The following VPS13C variants were observed in gnomAD, a reference collection of about 807,000 sequenced individuals.
The protein encoded by VPS13C is vacuolar protein sorting 13 homolog C.
Under a neutral mutation model 456.8 loss-of-function variants are expected in VPS13C, and 358 were observed. The observed-to-expected ratio is 0.78, with a 90% CI of 0.72 to 0.86. The LOEUF (loss-of-function observed/expected upper bound fraction) is 0.86, where lower values mean the gene tolerates loss of function less well. Among genes scored for constraint, VPS13C ranks in the 40% least tolerant of loss-of-function variants. The probability of loss-of-function intolerance (pLI) is 0.00; values close to 1 mark genes in which losing one functional copy is unlikely to be tolerated. For missense variants in VPS13C, 4,818 were observed against 4,385.4 expected (o/e 1.10, Z -2.79); for synonymous variants, 1,578 against 1,486.7 (o/e 1.06, Z -1.41).
Position 61,973,520 on chromosome 15 carries a change from G to T in VPS13C, c.2551C>A (p.Pro851Thr). ...CCTTTTGTACCACCTGAAATAATAG[G>T]AATTGAGGATACCTAGCAAAGAATA... is the stretch of plus-strand genomic sequence containing the variant. ...QSPERQVSSI[P>T]IISGGTKGLL... The change falls in exon 26 of 85, where the codon CCT becomes ACT. Residue 851 changes from proline to threonine, a missense_variant. By Grantham distance (38) the Pro-to-Thr change is conservative. Coordinates refer to ENST00000644861, the MANE Select transcript of VPS13C (RefSeq NM_020821.3). 1.2e-6 allele frequency: 2 copies of T among 1,612,128 alleles called. No individual in the cohort carries two copies. Among genetic ancestry groups the T allele is most frequent in the South Asian group, 2.2e-5 (2 of 90,994 alleles).
chr15:62,014,286 T>C (rs1266762955), intron 9 of VPS13C, among the ~76,000 whole-genome samples: 1 of 152,114 alleles, frequency 6.6e-6, no homozygotes, highest in South Asian at 2.1e-4. Context: ...AGCCAGCCTA[T>C]ACACTATTGA....
chr15:61,999,106 C>T (rs182306456), intron 16 of VPS13C, among the ~76,000 whole-genome samples: 2 of 152,196 alleles, frequency 1.3e-5, no homozygotes, highest in African/African-American at 2.4e-5. Context: ...AGGCCAGGCA[C>T]GGTGGCTCAT....
At chr15:61,976,914 G>A (rs554478614) in intron 24 of VPS13C, among the ~76,000 whole-genome samples, 168 bp downstream of exon 24, 1 of 152,144 alleles carries the variant, frequency 6.6e-6, no homozygotes, top group Non-Finnish European at 1.5e-5. Context: ...AAGTGTTGAT[G>A]TATAATTCAA....
chr15:61,926,727 G>A (rs1351431336), intron 52 of VPS13C, among the ~76,000 whole-genome samples: 1 of 152,148 alleles, frequency 6.6e-6, no homozygotes, highest in African/African-American at 2.4e-5. Context: ...TTGGCGAAGT[G>A]ACTCCAATTT....
chr15:61,929,472 G>A, intron 51 of VPS13C, 29 bp downstream of exon 51: 1 of 1,566,900 alleles, frequency 6.4e-7, no homozygotes, highest in Non-Finnish European at 8.7e-7. Flanking sequence ...TATACAAGTT[G>A]TCATCTATGA....
At chr15:61,884,308 T>C (rs1432425070) in intron 67 of VPS13C, 39 bp from the exon 68 acceptor site, 18 of 1,584,600 alleles carry the variant, frequency 1.1e-5, no homozygotes, top group Non-Finnish European at 1.5e-5. Context: ...TAGCAATATG[T>C]ATTTAGGTCT....
intron 1 of VPS13C, among the ~76,000 whole-genome samples, chr15:62,048,858 T>G (rs945372056): frequency 5.3e-5 from 8 of 152,256 alleles, no homozygotes; most frequent in Non-Finnish European, 1.2e-4. Flanking sequence ...TGGCCAGTGA[T>G]GATGAGCATT....
rs752836836 is a variant in VPS13C, at chr15:61,941,872, CCAGAT to C, written c.5339_5343del (p.Asp1780GlyfsTer6). On this transcript the variant is annotated frameshift_variant, in exon 46 of 85. Transcript: ENST00000644861. LOFTEE classifies it high-confidence loss of function. ...AACTTGTTTTCAACTCTGATTAAAC[CCAGAT>C]CTGCTATAACAGCATTAGGTGATAC... 5.6e-6 allele frequency: 9 copies of C among 1,613,834 alleles called. No individual in the cohort carries two copies.
intron 9 of VPS13C, among the ~76,000 whole-genome samples, chr15:62,018,845 T>C (rs1567116684): frequency 6.6e-6 from 1 of 152,202 alleles, no homozygotes; most frequent in Non-Finnish European, 1.5e-5. Context: ...TTGATTGGAA[T>C]AGTTTCAGAA....
chr15:62,047,388 A>G (rs1368574778), intron 1 of VPS13C, among the ~76,000 whole-genome samples: 1 of 151,846 alleles, frequency 6.6e-6, no homozygotes, highest in East Asian at 1.9e-4. Context: ...CGGTGAGCTG[A>G]GATTGTGCCA....
At chr15:61,913,442 A>T in intron 61 of VPS13C, 27 bp from the exon 62 acceptor site, 1 of 1,571,880 alleles carries the variant, frequency 6.4e-7, no homozygotes, top group South Asian at 1.1e-5. Flanking sequence ...ATATCGTCAT[A>T]TAAGAAATCT....
chr15:61,901,770 C>G (rs1009658476), intron 66 of VPS13C, among the ~76,000 whole-genome samples: 121 of 151,858 alleles, frequency 8.0e-4, no homozygotes, highest in Non-Finnish European at 1.5e-3. Flanking sequence ...GGGTATATAC[C>G]CAAAGGACTA....
At chr15:61,893,094 C>T (rs1310627801) in intron 66 of VPS13C, among the ~76,000 whole-genome samples, 2 of 151,976 alleles carry the variant, frequency 1.3e-5, no homozygotes, top group Non-Finnish European at 2.9e-5. Flanking sequence ...AAATACTTTC[C>T]CTATTGGAGA....
Position 61,911,965 on chromosome 15 carries a change from G to A in VPS13C, c.8590C>T (p.Arg2864Ter), listed in dbSNP as rs751495707. Residue 2864 changes from arginine (R) to a stop codon, truncating the protein, a stop_gained, in exon 63 of 85, where the codon CGA (arginine) becomes TGA (stop). Coordinates refer to ENST00000644861, the MANE Select transcript of VPS13C (RefSeq NM_020821.3). LOFTEE classifies it high-confidence loss of function. Reference protein sequence around the residue: ...SIKMSSFNLSRIVTLTPFCTI... With the variant: ...SIKMSSFNLS ...CAAAAGGGAGTCAGGGTAACTATTC[G>A]TGAAAGGTTGAAACTGCTCATTTTG... 5.0e-6 allele frequency: 8 copies of A among 1,610,518 alleles called. No individual in the cohort carries two copies. Among genetic ancestry groups the A allele is most frequent in the Non-Finnish European group, 6.8e-6 (8 of 1,178,242 alleles).
intron 81 of VPS13C, chr15:61,866,571 AATTAGTT>A: frequency 2.0e-6 from 2 of 985,136 alleles, no homozygotes; most frequent in Non-Finnish European, 2.4e-6. Flanking sequence ...CAGCATCTTG[AATTAGTT>A]ATTTGTGCTT....
At chr15:61,979,962 T>A (rs545952689) in intron 22 of VPS13C, among the ~76,000 whole-genome samples, 3 of 151,946 alleles carry the variant, frequency 2.0e-5, no homozygotes, top group East Asian at 3.9e-4. Context: ...GGTGAGCGGA[T>A]CACTTGAGGT....
intron 14 of VPS13C, 136 bp from the exon 15 acceptor site, chr15:62,007,615 T>A: frequency 2.8e-6 from 2 of 704,122 alleles, no homozygotes; most frequent in Non-Finnish European, 4.2e-6. Flanking sequence ...GCTCAGCAAT[T>A]CCCAGTAAAA....
rs200551662 is a variant in VPS13C, at chr15:61,929,685, T to A, written c.6102A>T (p.Gln2034His). Reference sequence around the variant, plus strand: ...CATCAATTTGACTTCCATTTTTGTCTTGTTTGTAACTTATATCAATCATAG... The same window carrying A: ...CATCAATTTGACTTCCATTTTTGTCATGTTTGTAACTTATATCAATCATAG... ...NSSMIDISYK[Q>H]DKNGSQIDAV... The change falls in exon 51 of 85, where the codon CAA becomes CAT. Residue 2034 changes from glutamine (Q) to histidine (H), a missense_variant. Physicochemically the swap from Gln to His is conservative, Grantham distance 24. This residue lies in a region of VPS13C where 4,552 missense variants were observed against 4,130.6 expected (regional missense o/e 1.10). Coordinates refer to ENST00000644861, the MANE Select transcript of VPS13C (RefSeq NM_020821.3). 23 of 1,613,930 alleles carry A rather than the reference T, an allele frequency of 1.4e-5. No homozygotes were observed. The highest frequency in any genetic ancestry group is 1.7e-5 in the Non-Finnish European group (20 of 1,179,972).
intron 3 of VPS13C, among the ~76,000 whole-genome samples, chr15:62,039,880 T>C (rs1221085713): frequency 6.6e-6 from 1 of 152,068 alleles, no homozygotes; most frequent in Admixed American, 6.5e-5. Context: ...AGAAAGGAAA[T>C]CAGTATATTG....
Sources: allele counts gnomAD v4.1 joint callset (sites outside exome capture counted in the v4.1 genomes callset), GRCh38; gene constraint gnomAD v4.1.1; regional missense constraint gnomAD v4.1.1; transcripts MANE v1.5; gene names NCBI Gene and HGNC (gene_info 2026-07-23, HGNC 2026-07-21).